Variants in ELAPOR1 observed in about 807,000 individuals in gnomAD.
ELAPOR1 encodes endosome-lysosome associated apoptosis and autophagy regulator 1, also known as endosome/lysosome-associated apoptosis and autophagy regulator 1.
ELAPOR1 carries 77 observed loss-of-function variants against 119.7 expected under a neutral mutation model. The observed-to-expected ratio is 0.64, with a 90% CI of 0.54 to 0.78. The LOEUF (loss-of-function observed/expected upper bound fraction) is 0.78, where lower values mean the gene tolerates loss of function less well. Among genes scored for constraint, ELAPOR1 ranks in the 30% least tolerant of loss-of-function variants. The pLI is 0.00. For synonymous variants in ELAPOR1, 481 were observed against 487.2 expected (o/e 0.99, Z 0.17); for missense variants, 1,115 against 1,270.4 (o/e 0.88, Z 1.86).
chr1:109,165,250 C>T (rs1651514531), intron 3 of ELAPOR1, among the ~76,000 whole-genome samples: 1 of 152,102 alleles, frequency 6.6e-6, no homozygotes, highest in Non-Finnish European at 1.5e-5. Context: ...TATGACCGCA[C>T]CACTGTACCC....
intron 1 of ELAPOR1, among the ~76,000 whole-genome samples, chr1:109,159,093 C>T (rs940594735): frequency 3.3e-5 from 5 of 152,030 alleles, no homozygotes; most frequent in Non-Finnish European, 7.4e-5. Flanking sequence ...AGAGTTTCAC[C>T]ATGTTGGTCA....
At chr1:109,197,725 G>T in intron 16 of ELAPOR1, 71 bp downstream of exon 16, 1 of 1,473,268 alleles carries the variant, frequency 6.8e-7, no homozygotes. Context: ...ATGTGTAAGA[G>T]AGTGTGAGGT....
intron 7 of ELAPOR1, among the ~76,000 whole-genome samples, chr1:109,174,442 A>AAAAAAAAAAAAAAC (rs1652128163): frequency 7.7e-6 from 1 of 130,544 alleles, no homozygotes; most frequent in Non-Finnish European, 1.6e-5. Flanking sequence ...AAAAAAAAAA[A>AAAAAAAAAAAAAAC]AAAAAATCAT....
chr1:109,131,903 G>T (rs1171371377), intron 1 of ELAPOR1, among the ~76,000 whole-genome samples: 1 of 152,150 alleles, frequency 6.6e-6, no homozygotes, highest in Admixed American at 6.6e-5. Flanking sequence ...AGGTTGTCCA[G>T]GGTCACTTTA....
Position 109,198,674 on chromosome 1 carries a change from G to A in ELAPOR1, c.2501G>A (p.Gly834Glu). 2 of 1,612,062 alleles carry A rather than the reference G, an allele frequency of 1.2e-6. No individual in the cohort carries two copies. Among genetic ancestry groups the A allele is most frequent in the Non-Finnish European group, 1.7e-6 (2 of 1,179,174 alleles). The change falls in exon 18 of 22, where the codon GGA becomes GAA. Residue 834 changes from glycine (G) to glutamate (E), a missense_variant and splice_region_variant. Gly to Glu is a moderately conservative substitution (Grantham distance 98). Transcript: ENST00000369939. The stretch of plus-strand genomic sequence containing the variant: ...GTCCCTGGAAGTTTGCTGCTGCCAG[G>A]GTAAGCCCTGCAAAGGGATGTAACA... ...KTVPGSLLLP[G>E]TCSDGTCDGC... is the part of the protein sequence containing the mutation.
chr1:109,118,877 G>A (rs922137566), intron 1 of ELAPOR1, among the ~76,000 whole-genome samples: 9 of 146,086 alleles, frequency 6.2e-5, no homozygotes, highest in Non-Finnish European at 3.0e-5. Flanking sequence ...AGGCTTTTCT[G>A]TTTCCTCCTG....
At position 109,189,173 on chromosome 1, in the gene ELAPOR1, T is replaced by C; in HGVS notation, c.1327T>C (p.Phe443Leu). ...AACGACCGTTCTCAGTGGGATCAACTTCGAGTACAAGGGCATGACAGGTAA... is the reference window on the plus strand; with the variant it reads ...AACGACCGTTCTCAGTGGGATCAACCTCGAGTACAAGGGCATGACAGGTAA... ...METTVLSGIN[F>L]EYKGMTGWEV... Residue 443 changes from phenylalanine to leucine, a missense_variant, in exon 10 of 22, where the codon TTC (phenylalanine) becomes CTC (leucine). Physicochemically the swap from Phe to Leu is conservative, Grantham distance 22. Coordinates refer to ENST00000369939, the MANE Select transcript of ELAPOR1 (RefSeq NM_020775.5). 1 of 1,614,016 alleles carries C rather than the reference T, an allele frequency of 6.2e-7. No individual in the cohort carries two copies. Among genetic ancestry groups the C allele is most frequent in the East Asian group, 2.2e-5 (1 of 44,878 alleles).
At chr1:109,174,599 G>C (rs1330888583) in intron 7 of ELAPOR1, among the ~76,000 whole-genome samples, 3 of 151,658 alleles carry the variant, frequency 2.0e-5, no homozygotes, top group Non-Finnish European at 4.4e-5. Context: ...AAAAGAAATA[G>C]ATGATACATA....
At chr1:109,145,469 A>G (rs138298662) in intron 1 of ELAPOR1, among the ~76,000 whole-genome samples, 399 of 152,242 alleles carry the variant, frequency 2.6e-3, no homozygotes, top group African/African-American at 8.1e-3. Flanking sequence ...CAGCATGGTC[A>G]ACATGGCGAA....
At chr1:109,197,234 C>G (rs1161843353) in intron 15 of ELAPOR1, among the ~76,000 whole-genome samples, 4 of 152,032 alleles carry the variant, frequency 2.6e-5, no homozygotes, top group Non-Finnish European at 5.9e-5. Flanking sequence ...CTTTAGTGAG[C>G]TATGATTGCA....
Position 109,189,180 on chromosome 1 carries a change from A to G in ELAPOR1, c.1334A>G (p.Tyr445Cys). Residue 445 changes from tyrosine to cysteine, a missense_variant, in exon 10 of 22, where the codon TAC becomes TGC. Tyr to Cys is a radical substitution (Grantham distance 194). Coordinates refer to ENST00000369939, the MANE Select transcript of ELAPOR1 (RefSeq NM_020775.5). ...GTTCTCAGTGGGATCAACTTCGAGTACAAGGGCATGACAGGTAATTGCCTC... is the reference window on the plus strand; with the variant it reads ...GTTCTCAGTGGGATCAACTTCGAGTGCAAGGGCATGACAGGTAATTGCCTC... ...TTVLSGINFEYKGMTGWEVAG... is the reference protein window; with the variant it reads ...TTVLSGINFECKGMTGWEVAG... 1 of 1,613,916 alleles carries G rather than the reference A, an allele frequency of 6.2e-7. No homozygotes were observed.
chr1:109,197,466 C>T lies in ELAPOR1; in HGVS notation c.2122-8C>T, dbSNP rs747649806. 3 of 1,612,698 alleles carry T rather than the reference C, an allele frequency of 1.9e-6. No individual in the cohort carries two copies. The highest frequency in any genetic ancestry group is 1.7e-5 in the Admixed American group (1 of 59,990). On this transcript the variant is annotated splice_polypyrimidine_tract_variant and splice_region_variant and intron_variant, in intron 15 of 21. Coordinates refer to ENST00000369939, the MANE Select transcript of ELAPOR1 (RefSeq NM_020775.5). ...CTTCCTACTTCTTCCTCCCCACTCC[C>T]CAACCAGGGTAGGAAAATGTCTGTG...
At chr1:109,127,240 G>A (rs1459002314) in intron 1 of ELAPOR1, among the ~76,000 whole-genome samples, 1 of 142,040 alleles carries the variant, frequency 7.0e-6, no homozygotes, top group African/African-American at 2.6e-5. Context: ...TTTTAAGATG[G>A]AGTCTTGTTC....
At chr1:109,175,707 A>C (rs1223270461) in intron 7 of ELAPOR1, among the ~76,000 whole-genome samples, 2 of 150,358 alleles carry the variant, frequency 1.3e-5, no homozygotes, top group Non-Finnish European at 3.0e-5. Context: ...TGTGCCTGTA[A>C]TCCCAGCTAC....
At position 109,206,711 on chromosome 1, in the gene ELAPOR1, T is replaced by C. The variant is rs976378474; in HGVS notation, c.*3699T>C. The C allele has an allele frequency of 1.3e-5, 2 of 152,180 alleles. No individual in the cohort carries two copies. Among genetic ancestry groups the C allele is most frequent in the African/African-American group, 4.8e-5 (2 of 41,426 alleles). 9.4% of individuals were successfully genotyped at this position (152,180 alleles called of 1,614,324 possible). A position where few individuals can be genotyped will look rare whatever the true frequency, so the allele number is the denominator to read the frequency against. On this transcript the variant is annotated 3_prime_UTR_variant, in exon 22 of 22. Transcript: ENST00000369939. Reference sequence around the variant, plus strand: ...CCTTTTTACCCTGTAATCCAAGCGTTAATAGTTTGTTAGAAGATGGGTTAT... The same window carrying C: ...CCTTTTTACCCTGTAATCCAAGCGTCAATAGTTTGTTAGAAGATGGGTTAT...
At position 109,177,312 on chromosome 1, in the gene ELAPOR1, T is replaced by C. The variant is rs1396844127; in HGVS notation, c.952+3475T>C. On this transcript the variant is annotated intron_variant, in intron 7 of 21. Coordinates refer to ENST00000369939, the MANE Select transcript of ELAPOR1 (RefSeq NM_020775.5). The stretch of plus-strand genomic sequence containing the variant: ...CTCACTTCCCAGACGGGGTGGCTGC[T>C]GGGCGGAGGGGCTCCTCACTTCTCA... Among the ~76,000 whole-genome samples the C allele has an allele frequency of 4.3e-3, 398 of 91,856 alleles. 4 individuals are homozygous for C. Among genetic ancestry groups the C allele is most frequent in the African/African-American group, 0.016 (298 of 18,420 alleles). 60.3% of individuals were successfully genotyped at this position (91,856 alleles called of 152,430 possible).
At chr1:109,158,309 CTTT>C (rs386368020) in intron 1 of ELAPOR1, among the ~76,000 whole-genome samples, 4 of 131,624 alleles carry the variant, frequency 3.0e-5, no homozygotes, top group Non-Finnish European at 3.3e-5. Flanking sequence ...TGACAGTTTT[CTTT>C]TTTTTTTTTT....
intron 3 of ELAPOR1, 51 bp from the exon 4 acceptor site, chr1:109,171,815 G>A (rs1472231018): frequency 1.3e-6 from 2 of 1,599,754 alleles, no homozygotes; most frequent in Admixed American, 3.4e-5. Flanking sequence ...ATGGCACAAA[G>A]CCTGGTGGGC....
intron 1 of ELAPOR1, among the ~76,000 whole-genome samples, chr1:109,120,949 A>G (rs1180036917): frequency 6.6e-6 from 1 of 152,172 alleles, no homozygotes; most frequent in African/African-American, 2.4e-5. Flanking sequence ...TCTTAGGGTA[A>G]AACAGAAATG....
Sources: gnomAD v4.1 joint callset for allele counts (sites outside exome capture counted in the v4.1 genomes callset) on GRCh38, gnomAD v4.1.1 for gene constraint, MANE v1.5 for transcripts, NCBI Gene and HGNC (gene_info 2026-07-23, HGNC 2026-07-21) for gene names.